MBD5: variants seen among roughly 807,000 people sequenced by gnomAD.
MBD5 encodes methyl-CpG binding domain protein 5.
Under a neutral mutation model 117.3 loss-of-function variants are expected in MBD5, and 13 were observed. That is an observed-to-expected ratio of 0.11 (90% CI 0.07 to 0.18). The LOEUF (loss-of-function observed/expected upper bound fraction) is 0.18. Ranked by LOEUF, MBD5 falls within the 10% of genes least tolerant of loss-of-function variation. The pLI is 1.00. For missense variants in MBD5, 1,879 were observed against 2,093.8 expected, an observed-to-expected ratio of 0.90 and a Z score of 2.00; for synonymous variants, 727 against 766.4, an observed-to-expected ratio of 0.95 and a Z score of 0.85.
intron 4 of MBD5, among the ~76,000 whole-genome samples, chr2:148,345,308 TAC>T (rs1035901097): frequency 2.0e-5 from 3 of 146,608 alleles, no homozygotes; most frequent in African/African-American, 8.0e-5. Flanking sequence ...TGGGTATATA[TAC>T]ACACACATAT....
intron 4 of MBD5, among the ~76,000 whole-genome samples, chr2:148,365,768 A>T (rs961965099): frequency 6.6e-5 from 10 of 152,164 alleles, no homozygotes; most frequent in African/African-American, 2.4e-4. Flanking sequence ...CCCTCCCATG[A>T]CTAAGCTAGG....
At chr2:148,407,180 T>C (rs576005814) in intron 4 of MBD5, among the ~76,000 whole-genome samples, 1 of 152,312 alleles carries the variant, frequency 6.6e-6, no homozygotes, top group South Asian at 2.1e-4. Flanking sequence ...TGAATCTATT[T>C]TCGAATAAGA....
intron 1 of MBD5, chr2:148,026,977 A>G (rs915980518): frequency 6.6e-6 from 1 of 152,210 alleles, no homozygotes; most frequent in African/African-American, 2.4e-5. Flanking sequence ...CCTTATCTGT[A>G]TTAAACTTCC....
At chr2:148,032,976 T>A (rs1250303508) in intron 1 of MBD5, among the ~76,000 whole-genome samples, 1 of 152,100 alleles carries the variant, frequency 6.6e-6, no homozygotes, top group Non-Finnish European at 1.5e-5. Flanking sequence ...AAGCTGTGAA[T>A]AATGAAGAAA....
intron 5 of MBD5, among the ~76,000 whole-genome samples, chr2:148,462,293 C>A (rs1395455032): frequency 6.6e-6 from 1 of 152,128 alleles, no homozygotes; most frequent in Non-Finnish European, 1.5e-5. Flanking sequence ...TCTGTCCTTT[C>A]TTAAGAATAG....
At chr2:148,394,147 T>C (rs1406539870) in intron 4 of MBD5, among the ~76,000 whole-genome samples, 1 of 152,216 alleles carries the variant, frequency 6.6e-6, no homozygotes, top group African/African-American at 2.4e-5. Context: ...TGCGTGGCTA[T>C]ATTGTTTTTT....
intron 3 of MBD5, among the ~76,000 whole-genome samples, chr2:148,340,578 A>G (rs1323155396): frequency 6.6e-6 from 1 of 152,026 alleles, no homozygotes; most frequent in Non-Finnish European, 1.5e-5. Flanking sequence ...GTTTTATCCA[A>G]TTCATTGGCT....
intron 7 of MBD5, among the ~76,000 whole-genome samples, chr2:148,467,789 G>A (rs1559085029): frequency 6.6e-6 from 1 of 152,032 alleles, no homozygotes; most frequent in African/African-American, 2.4e-5. Flanking sequence ...GAAATATTAC[G>A]GTATCTGTTC....
chr2:148,196,673 G>A (rs1698996850), intron 2 of MBD5, among the ~76,000 whole-genome samples: 1 of 152,076 alleles, frequency 6.6e-6, no homozygotes, highest in African/African-American at 2.4e-5. Flanking sequence ...TAGATCATAT[G>A]GTAACCTAGC....
chr2:148,350,086 C>CA (rs992013261), intron 4 of MBD5, among the ~76,000 whole-genome samples: 30 of 151,982 alleles, frequency 2.0e-4, no homozygotes, highest in African/African-American at 7.2e-4. Flanking sequence ...ACAATGCCCC[C>CA]ATAACCTAAG....
chr2:148,294,506 T>TTTTTGTTTGTTTTTTTTTTTTTGTTTTG (rs1701594817), intron 3 of MBD5, among the ~76,000 whole-genome samples: 1 of 130,642 alleles, frequency 7.7e-6, no homozygotes, highest in Non-Finnish European at 1.6e-5. Flanking sequence ...TTACAGTTTT[T>TTTTTGTTTGTTTTTTTTTTTTTGTTTTG]TTTTTTTTTT....
At chr2:148,340,875 C>CACACACACACACAT (rs535805362) in intron 3 of MBD5, among the ~76,000 whole-genome samples, 2 of 144,640 alleles carry the variant, frequency 1.4e-5, no homozygotes, top group African/African-American at 5.1e-5. Flanking sequence ...CACACACACA[C>CACACACACACACAT]ATAGCATTTA....
At chr2:148,115,897 C>G (rs1696625492) in intron 1 of MBD5, among the ~76,000 whole-genome samples, 1 of 152,054 alleles carries the variant, frequency 6.6e-6, no homozygotes, top group Non-Finnish European at 1.5e-5. Context: ...GGCTGGAGTG[C>G]AATGGCATGA....
intron 2 of MBD5, among the ~76,000 whole-genome samples, chr2:148,219,256 A>G (rs1342289408): frequency 1.3e-5 from 2 of 152,034 alleles, no homozygotes; most frequent in Non-Finnish European, 2.9e-5. Flanking sequence ...CCACCTCCAT[A>G]TCTTGTCTCA....
chr2:148,411,903 A>C (rs962281147), intron 4 of MBD5, among the ~76,000 whole-genome samples: 1 of 152,060 alleles, frequency 6.6e-6, no homozygotes, highest in Non-Finnish European at 1.5e-5. Context: ...TGGCATCTTC[A>C]TCATGAAATA....
chr2:148,408,044 TAGTC>T (rs1705136208), intron 4 of MBD5, among the ~76,000 whole-genome samples: 1 of 152,050 alleles, frequency 6.6e-6, no homozygotes, highest in African/African-American at 2.4e-5. Flanking sequence ...GCTGATTGGT[TAGTC>T]AGACTCATCA....
At chr2:148,053,873 T>C (rs1419830004) in intron 1 of MBD5, 1 of 151,812 alleles carries the variant, frequency 6.6e-6, no homozygotes, top group East Asian at 1.9e-4. Flanking sequence ...CTTTTCTCTT[T>C]TTTTCTTTGT....
intron 1 of MBD5, among the ~76,000 whole-genome samples, chr2:148,059,292 TA>T (rs560246110): frequency 1.5e-4 from 22 of 149,102 alleles, no homozygotes; most frequent in South Asian, 4.2e-4. Context: ...TTCTGACAAT[TA>T]AAAAAAAAAG....
intron 3 of MBD5, among the ~76,000 whole-genome samples, chr2:148,236,475 T>G (rs1376003765): frequency 6.6e-6 from 1 of 152,182 alleles, no homozygotes; most frequent in East Asian, 1.9e-4. Context: ...CTTGTATATC[T>G]TCATCACAGC....
Sources: gnomAD v4.1 joint callset for allele counts (sites outside exome capture counted in the v4.1 genomes callset) on GRCh38, gnomAD v4.1.1 for gene constraint, MANE v1.5 for transcripts, NCBI Gene and HGNC (gene_info 2026-07-23, HGNC 2026-07-21) for gene names.